The following TMPRSS6 variants were observed in gnomAD, a reference collection of about 807,000 sequenced individuals.
The protein encoded by TMPRSS6 is transmembrane serine protease 6.
A neutral mutation model predicts 101.5 loss-of-function variants in TMPRSS6; 67 were observed. The ratio of observed to expected loss-of-function variants is 0.66; its 90% CI spans 0.54 to 0.81. TMPRSS6 has a LOEUF of 0.81. TMPRSS6 is among the 30% of genes least tolerant of loss of function. The probability of loss-of-function intolerance (pLI) is 0.00; values close to 1 mark genes in which losing one functional copy is unlikely to be tolerated. For missense variants in TMPRSS6, 1,034 were observed against 1,088.7 expected (o/e 0.95, Z 0.71); for synonymous variants, 453 against 464.9 (o/e 0.97, Z 0.33).
rs1927394069 is a variant in TMPRSS6, at chr22:37,074,062, T to C, written c.1442-417A>G. 2.0e-5 allele frequency among the ~76,000 whole-genome samples: 3 copies of C among 152,186 alleles called. No individual in the cohort carries two copies. The South Asian group carries it at 6.2e-4, about 32-fold the overall frequency. On this transcript the variant is annotated intron_variant, in intron 12 of 17. Coordinates refer to ENST00000676104, the MANE Select transcript of TMPRSS6 (RefSeq NM_001374504.1). ...CTGCGCCCGGCCTCTTTCTCTGCTA[T>C]TTTACACCCAAAGTTTCACAGCAAC...
intron 1 of TMPRSS6, among the ~76,000 whole-genome samples, chr22:37,105,722 T>C (rs1346849544): frequency 1.3e-5 from 2 of 152,030 alleles, no homozygotes; most frequent in African/African-American, 4.8e-5. Context: ...CAGGCTGGAG[T>C]ATGGTAGCAC....
chr22:37,086,203 A>T (rs1928744682), intron 8 of TMPRSS6, 80 bp downstream of exon 8: 2 of 1,592,668 alleles, frequency 1.3e-6, no homozygotes, highest in African/African-American at 1.3e-5. Context: ...TGGGCAAAAA[A>T]GGTGAGCAGT....
rs60484081 is a variant in TMPRSS6, at chr22:37,069,345, C to CTGGGGTGGGGTGGGGTGGGG, written c.1842-21_1842-2dup. ...GGTCCACAGCACCGTGGAGGCCATG[C>CTGGGGTGGGGTGGGGTGGGG]TGGGGTGGGGTGGGGTGGGGTGGGG... On this transcript the variant is annotated splice_acceptor_variant, in intron 15 of 17. Transcript: ENST00000676104. LOFTEE classifies it high-confidence loss of function. This position sits in a 1 kb window ranked among gnomAD's most constrained non-coding sequence, Gnocchi z 4.8. 9.1e-5 allele frequency: 38 copies of CTGGGGTGGGGTGGGGTGGGG among 418,554 alleles called. 1 individual carries two copies. Among genetic ancestry groups the CTGGGGTGGGGTGGGGTGGGG allele is most frequent in the African/African-American group, 7.4e-4 (27 of 36,496 alleles). 25.9% of individuals were successfully genotyped at this position (418,554 alleles called of 1,614,324 possible).
chr22:37,067,621 A>G (rs974049741), intron 16 of TMPRSS6, among the ~76,000 whole-genome samples: 1 of 152,238 alleles, frequency 6.6e-6, no homozygotes, highest in East Asian at 1.9e-4. Context: ...TCCGAAGCCC[A>G]CATCTGATCC....
upstream of TMPRSS6, among the ~76,000 whole-genome samples, chr22:37,110,137 C>CTT (rs55809648): frequency 4.1e-4 from 36 of 87,058 alleles, 1 homozygote; most frequent in African/African-American, 9.5e-4. Flanking sequence ...CTACCTCGTT[C>CTT]TTTTTTTTTT....
At chr22:37,067,093 A>AG (rs1926373278) in intron 16 of TMPRSS6, 131 bp from the exon 17 acceptor site, 3 of 1,384,148 alleles carry the variant, frequency 2.2e-6, no homozygotes, top group African/African-American at 2.9e-5. Flanking sequence ...TACCCCTGCT[A>AG]GGGTCGCACC....
In TMPRSS6 at chr22:37,074,623, A is replaced by G. The variant is rs940535872; in HGVS notation, c.1428T>C (p.Asp476=). Residue 476 remains aspartate (D), a synonymous_variant, in exon 12 of 18, where the codon GAT becomes GAC. Transcript: ENST00000676104. ...CGGGTTACTCACCGCAGTTTCTCTC[A>G]TCCAGGCCGTTGGGGCAGTCCTTGA... ...DGVKDCPNGL[D]ERNCVCRATF... The G allele has an allele frequency of 1.9e-6, 3 of 1,614,100 alleles. No individual in the cohort carries two copies. Among genetic ancestry groups the G allele is most frequent in the African/African-American group, 2.7e-5 (2 of 74,936 alleles).
chr22:37,110,130 C>T (rs1043388108), upstream of TMPRSS6, among the ~76,000 whole-genome samples: 1 of 145,862 alleles, frequency 6.9e-6, no homozygotes, highest in Non-Finnish European at 1.5e-5. Context: ...TGAATTCCTA[C>T]CTCGTTCTTT....
chr22:37,093,100 A>C (rs930188157), intron 6 of TMPRSS6, among the ~76,000 whole-genome samples: 2 of 152,162 alleles, frequency 1.3e-5, no homozygotes, highest in African/African-American at 2.4e-5. Context: ...GGCATGAAGG[A>C]AGTGCTCATA....
intron 10 of TMPRSS6, chr22:37,083,916 G>A (rs1163365246): frequency 2.0e-6 from 1 of 497,842 alleles, no homozygotes; most frequent in East Asian, 3.0e-5. Context: ...GGGTTTAGAG[G>A]GAAGGCACCA....
intron 3 of TMPRSS6, among the ~76,000 whole-genome samples, chr22:37,097,702 T>C (rs1929895655): frequency 1.8e-5 from 2 of 110,864 alleles, no homozygotes; most frequent in African/African-American, 7.5e-5. Context: ...GCCACCGTCT[T>C]GTAACAGAGG....
chr22:37,094,430 TAAAC>T (rs1205052884), intron 6 of TMPRSS6, among the ~76,000 whole-genome samples: 4 of 127,256 alleles, frequency 3.1e-5, no homozygotes, highest in East Asian at 2.4e-4. Context: ...TAGATAGATA[TAAAC>T]AGACAGCTAG....
chr22:37,071,134 G>A, intron 13 of TMPRSS6, 102 bp from the exon 14 acceptor site: 1 of 1,047,120 alleles, frequency 9.5e-7, no homozygotes, highest in African/African-American at 1.6e-5. Context: ...AGAAGAGCCA[G>A]GAGGTGACTA....
At chr22:37,066,739 G>C in intron 17 of TMPRSS6, 87 bp downstream of exon 17, 1 of 1,574,570 alleles carries the variant, frequency 6.4e-7, no homozygotes. Context: ...GGCTTCAGCA[G>C]GCTGATGTGA....
At chr22:37,085,352 G>A (rs534265739) in intron 8 of TMPRSS6, among the ~76,000 whole-genome samples, 9 of 152,222 alleles carry the variant, frequency 5.9e-5, no homozygotes, top group Non-Finnish European at 7.4e-5. Context: ...GTTCCCTCCC[G>A]CCTCGAGCCT....
At chr22:37,074,813 A>T in intron 11 of TMPRSS6, 105 bp from the exon 12 acceptor site, 1 of 1,193,630 alleles carries the variant, frequency 8.4e-7, no homozygotes, top group Non-Finnish European at 1.2e-6. Flanking sequence ...TCACACGCGC[A>T]TGGACAGGCA....
chr22:37,103,387 C>T lies in TMPRSS6; in HGVS notation c.31G>A (p.Gly11Ser), dbSNP rs1930495756. 1 of 1,614,222 alleles carries T rather than the reference C, an allele frequency of 6.2e-7. No individual in the cohort carries two copies. Among genetic ancestry groups the T allele is most frequent in the Non-Finnish European group, 8.5e-7 (1 of 1,180,038 alleles). Reference protein sequence around the residue: MPVAEAPQVAGGQGDGGDGEE... With the variant: MPVAEAPQVASGQGDGGDGEE... ...CCATCACCTCCGTCCCCCTGCCCGC[C>T]AGCCACCTGGGGGGCCTCGGCCACG... Residue 11 changes from glycine (G) to serine (S), a missense_variant, in exon 2 of 18, where the codon GGC (glycine) becomes AGC (serine). Gly to Ser is a moderately conservative substitution (Grantham distance 56, BLOSUM62 0). Coordinates refer to ENST00000676104, the MANE Select transcript of TMPRSS6 (RefSeq NM_001374504.1). The surrounding 1 kb of genome is among the most constrained non-coding windows in gnomAD (Gnocchi z 4.4).
At chr22:37,079,785 G>C (rs577504170) in intron 10 of TMPRSS6, among the ~76,000 whole-genome samples, 2 of 152,232 alleles carry the variant, frequency 1.3e-5, no homozygotes, top group African/African-American at 2.4e-5. Context: ...ACTTGCTGAC[G>C]TCAGGCTGTG....
At chr22:37,095,202 A>G (rs1929637706) in intron 6 of TMPRSS6, among the ~76,000 whole-genome samples, 1 of 152,194 alleles carries the variant, frequency 6.6e-6, no homozygotes, top group African/African-American at 2.4e-5. Context: ...ATGATTTTCT[A>G]CCATCAGTGG....
Sources: gnomAD v4.1 joint callset for allele counts (sites outside exome capture counted in the v4.1 genomes callset) on GRCh38, gnomAD v4.1.1 for gene constraint, Gnocchi (gnomAD v3.1) non-coding constraint, MANE v1.5 for transcripts, NCBI Gene and HGNC (gene_info 2026-07-23, HGNC 2026-07-21) for gene names.